The following CENPC variants were observed in gnomAD, a reference collection of about 807,000 sequenced individuals.
The protein encoded by CENPC is centromere protein C, also known as CENP-C 1.
A neutral mutation model predicts 112.1 loss-of-function variants in CENPC; 63 were observed. The observed-to-expected ratio is 0.56, with a 90% CI of 0.46 to 0.69. CENPC has a LOEUF of 0.69. Among genes scored for constraint, CENPC ranks in the 30% least tolerant of loss-of-function variants. The probability of loss-of-function intolerance (pLI) is 0.00; values close to 1 mark genes in which losing one functional copy is unlikely to be tolerated. For synonymous variants in CENPC, 333 were observed against 367.6 expected (o/e 0.91, Z 1.08); for missense variants, 1,000 against 1,103.8 (o/e 0.91, Z 1.33).
intron 4 of CENPC, among the ~76,000 whole-genome samples, chr4:67,536,337 C>G (rs1726717826): frequency 6.6e-6 from 1 of 152,138 alleles, no homozygotes; most frequent in African/African-American, 2.4e-5. Context: ...CAAAACAGCT[C>G]CAACCATATG....
At position 67,519,454 on chromosome 4, in the gene CENPC, G is replaced by A. The variant is rs372436165; in HGVS notation, c.380C>T (p.Ser127Phe). ...HQKILATDVS[S>F]KNTPDSKKIS... ...TTTTTTCGAGTCAGGTGTATTTTTG[G>A]AACTAACATCAGTTGCCAGAATTTT... The change falls in exon 6 of 19, where the codon TCC becomes TTC. Residue 127 changes from serine (S) to phenylalanine (F), a missense_variant. Ser to Phe is a radical substitution (Grantham distance 155). Transcript: ENST00000273853. 29 of 1,603,220 alleles carry A rather than the reference G, an allele frequency of 1.8e-5. No individual in the cohort carries two copies. The African/African-American group carries it at 1.9e-4, about 10-fold the overall frequency.
chr4:67,487,217 T>G (rs138761075), intron 17 of CENPC, among the ~76,000 whole-genome samples: 2 of 149,348 alleles, frequency 1.3e-5, no homozygotes, highest in African/African-American at 5.1e-5. Context: ...ACTCATCTAT[T>G]ATTTGATTAC....
chr4:67,514,520 G>A lies in CENPC; in HGVS notation c.998C>T (p.Ser333Phe), dbSNP rs200888615. ...KAGSLKQRTI[S>F]PAESTALLQG... ...AAGGAGTGCAGTGCTCTCAGCCGGG[G>A]ATATTGTGCGTTGTTTCAGAGACCC... The change falls in exon 8 of 19, where the codon TCC becomes TTC. Residue 333 changes from serine to phenylalanine, a missense_variant. By Grantham distance (155) the Ser-to-Phe change is radical. Transcript: ENST00000273853. 7 of 1,613,018 alleles carry A rather than the reference G, an allele frequency of 4.3e-6. No individual in the cohort carries two copies. The highest frequency in any genetic ancestry group is 3.3e-5 in the South Asian group (3 of 90,988).
chr4:67,542,888 T>A (rs1726926439), intron 2 of CENPC, among the ~76,000 whole-genome samples: 1 of 152,170 alleles, frequency 6.6e-6, no homozygotes, highest in Non-Finnish European at 1.5e-5. Flanking sequence ...AAGATCAGAT[T>A]TGCCAAGGTG....
At chr4:67,473,601 G>A (rs144521157) in intron 18 of CENPC, among the ~76,000 whole-genome samples, 1 of 152,156 alleles carries the variant, frequency 6.6e-6, no homozygotes, top group East Asian at 1.9e-4. Context: ...CACCCAGGCT[G>A]GAGTGCAGTA....
At chr4:67,542,590 C>T (rs1478485892) in intron 2 of CENPC, among the ~76,000 whole-genome samples, 2 of 152,122 alleles carry the variant, frequency 1.3e-5, no homozygotes, top group Admixed American at 6.6e-5. Context: ...AATTAGATTT[C>T]CTAGGGTGAT....
In CENPC at chr4:67,493,888, T is replaced by A. The variant is rs768318434; in HGVS notation, c.2286A>T (p.Pro762=). 1 of 1,607,444 alleles carries A rather than the reference T, an allele frequency of 6.2e-7. No homozygotes were observed. The highest frequency in any genetic ancestry group is 1.7e-5 in the Admixed American group (1 of 59,770). Reference sequence around the variant, plus strand: ...TATAACATAAATAAGTTTTACCTGATGGCCTTCCTTGATAATCTATTCGCT... The same window carrying A: ...TATAACATAAATAAGTTTTACCTGAAGGCCTTCCTTGATAATCTATTCGCT... ...RGERIDYQGR[P]SGGFVISGVL... is the part of the protein sequence containing the mutation. The change falls in exon 14 of 19, where the codon CCA becomes CCT. Residue 762 remains proline, a synonymous_variant. Coordinates refer to ENST00000273853, the MANE Select transcript of CENPC (RefSeq NM_001812.4).
chr4:67,544,288 A>C (rs1726967392), intron 1 of CENPC, 93 bp from the exon 2 acceptor site: 1 of 703,392 alleles, frequency 1.4e-6, no homozygotes, highest in Non-Finnish European at 2.6e-6. Context: ...TGGGCATGCT[A>C]TACACCAAAC....
At chr4:67,479,169 C>T (rs1322496887) in intron 17 of CENPC, among the ~76,000 whole-genome samples, 1 of 152,030 alleles carries the variant, frequency 6.6e-6, no homozygotes, top group East Asian at 1.9e-4. Context: ...GTCATCAAGA[C>T]AGAAAGTCAA....
At chr4:67,508,786 AC>A (rs761228277) in intron 10 of CENPC, 27 bp downstream of exon 10, 3 of 1,583,596 alleles carry the variant, frequency 1.9e-6, no homozygotes, top group African/African-American at 1.4e-5. Context: ...AACAAAAGTA[AC>A]TATATTGTAC....
At chr4:67,494,574 A>G (rs1725379200) in intron 13 of CENPC, among the ~76,000 whole-genome samples, 1 of 75,890 alleles carries the variant, frequency 1.3e-5, no homozygotes, top group African/African-American at 4.4e-5. Context: ...AGAAAGCTTC[A>G]CTCCTATTGG....
rs963017545 is a variant in CENPC, at chr4:67,497,665, C to T, written c.2132-2453G>A. On this transcript the variant is annotated intron_variant, in intron 12 of 18. Coordinates refer to ENST00000273853, the MANE Select transcript of CENPC (RefSeq NM_001812.4). Reference sequence around the variant, plus strand: ...CTCCCGCCTCAGCCCGCCGAGTAGCCGGAACCAGAGATGCACACCACCACG... The same window carrying T: ...CTCCCGCCTCAGCCCGCCGAGTAGCTGGAACCAGAGATGCACACCACCACG... Among the ~76,000 whole-genome samples the T allele has an allele frequency of 3.3e-5, 5 of 151,912 alleles. No homozygotes were observed. The East Asian group carries it at 7.8e-4, about 24-fold the overall frequency.
intron 5 of CENPC, among the ~76,000 whole-genome samples, chr4:67,523,593 T>A (rs1726292212): frequency 6.6e-6 from 1 of 152,186 alleles, no homozygotes; most frequent in African/African-American, 2.4e-5. Context: ...TATGAACTTA[T>A]GATTACTTCA....
chr4:67,490,361 G>A (rs1213318981), intron 16 of CENPC, among the ~76,000 whole-genome samples: 3 of 151,878 alleles, frequency 2.0e-5, no homozygotes, highest in Non-Finnish European at 2.9e-5. Flanking sequence ...TTTCCTTTTC[G>A]ATAAAATTAA....
rs559831229 is a variant in CENPC, at chr4:67,468,887, T to C, written c.*3718A>G. On this transcript the variant is annotated 3_prime_UTR_variant, in exon 19 of 19. Coordinates refer to ENST00000273853, the MANE Select transcript of CENPC (RefSeq NM_001812.4). Reference sequence around the variant, plus strand: ...TGCTTGGATGATCTTAAGGGCTTTATGCTGAGTGAGAAAAACCAAAGGTCA... The same window carrying C: ...TGCTTGGATGATCTTAAGGGCTTTACGCTGAGTGAGAAAAACCAAAGGTCA... 1.3e-5 allele frequency: 2 copies of C among 152,194 alleles called. No homozygotes were observed. The highest frequency in any genetic ancestry group is 2.4e-5 in the African/African-American group (1 of 41,442). The allele number at this position is 152,194 out of a possible 1,614,324, so 9.4% of individuals were successfully genotyped here. A position where few individuals can be genotyped will look rare whatever the true frequency, so the allele number is the denominator to read the frequency against.
intron 17 of CENPC, among the ~76,000 whole-genome samples, chr4:67,476,737 G>A (rs757265028): frequency 2.0e-5 from 3 of 152,238 alleles, no homozygotes; most frequent in Non-Finnish European, 2.9e-5. Flanking sequence ...GGGCCTGAAA[G>A]CCCAGCTTGC....
chr4:67,493,063 A>G (rs1725328359), intron 14 of CENPC, 66 bp from the exon 15 acceptor site: 1 of 1,270,488 alleles, frequency 7.9e-7, no homozygotes, highest in South Asian at 1.5e-5. Flanking sequence ...AAACTCCTTA[A>G]ATTTAATATG....
At chr4:67,517,385 C>G (rs1288736975) in intron 7 of CENPC, among the ~76,000 whole-genome samples, 1 of 151,030 alleles carries the variant, frequency 6.6e-6, no homozygotes, top group Admixed American at 6.6e-5. Flanking sequence ...TGGTCTTGAA[C>G]CTCTGATCTC....
At chr4:67,539,079 A>G (rs952919217) in intron 4 of CENPC, among the ~76,000 whole-genome samples, 2 of 152,230 alleles carry the variant, frequency 1.3e-5, no homozygotes, top group African/African-American at 2.4e-5. Context: ...AGATGCAAAC[A>G]TCTTCAATAT....
Sources: allele counts gnomAD v4.1 joint callset (sites outside exome capture counted in the v4.1 genomes callset), GRCh38; gene constraint gnomAD v4.1.1; transcripts MANE v1.5; gene names NCBI Gene and HGNC (gene_info 2026-07-23, HGNC 2026-07-21).